The following MTHFD2L variants were observed in gnomAD, a reference collection of about 807,000 sequenced individuals.
MTHFD2L encodes bifunctional methylenetetrahydrofolate dehydrogenase/cyclohydrolase 2, mitochondrial.
A neutral mutation model predicts 34.9 loss-of-function variants in MTHFD2L; 29 were observed. The observed-to-expected ratio is 0.83, with a 90% CI of 0.62 to 1.13. The LOEUF (loss-of-function observed/expected upper bound fraction) is 1.13, where lower values mean the gene tolerates loss of function less well. Among genes scored for constraint, MTHFD2L ranks in the 50% most tolerant of loss-of-function variants. MTHFD2L has a pLI of 0.00. For synonymous variants in MTHFD2L, 167 were observed against 155.7 expected (o/e 1.07, Z -0.54); for missense variants, 481 against 446.5 (o/e 1.08, Z -0.70).
At chr4:74,179,110 G>A (rs1032004862) in intron 3 of MTHFD2L, among the ~76,000 whole-genome samples, 5 of 152,044 alleles carry the variant, frequency 3.3e-5, no homozygotes, top group Admixed American at 6.6e-5. Flanking sequence ...GAGACACAGG[G>A]AGGTTAAGTG....
intron 7 of MTHFD2L, among the ~76,000 whole-genome samples, chr4:74,282,651 A>G (rs1747648987): frequency 6.6e-6 from 1 of 152,064 alleles, no homozygotes; most frequent in African/African-American, 2.4e-5. Context: ...GAAAAAGAAA[A>G]CTGTAAGGAC....
intron 5 of MTHFD2L, among the ~76,000 whole-genome samples, chr4:74,206,506 A>G (rs2110070940): frequency 6.6e-6 from 1 of 152,298 alleles, no homozygotes; most frequent in East Asian, 1.9e-4. Context: ...GGGAGTATAT[A>G]CTGTGAGAAA....
intron 6 of MTHFD2L, among the ~76,000 whole-genome samples, chr4:74,232,195 C>T (rs1560513253): frequency 6.6e-6 from 1 of 152,106 alleles, no homozygotes; most frequent in Admixed American, 6.6e-5. Flanking sequence ...TAAGAAGTGA[C>T]TTACACATGA....
At chr4:74,114,930 A>T (rs1050526307) in intron 2 of MTHFD2L, among the ~76,000 whole-genome samples, 2 of 152,182 alleles carry the variant, frequency 1.3e-5, no homozygotes, top group African/African-American at 4.8e-5. Flanking sequence ...TAGATGAGGT[A>T]ACTGGGACTC....
At chr4:74,283,446 A>G (rs528227561) in intron 7 of MTHFD2L, among the ~76,000 whole-genome samples, 1 of 152,256 alleles carries the variant, frequency 6.6e-6, no homozygotes, top group Admixed American at 6.5e-5. Context: ...ATCTAAGTAT[A>G]TATAAAAATT....
intron 6 of MTHFD2L, chr4:74,267,950 G>A: frequency 1.0e-6 from 1 of 985,228 alleles, no homozygotes; most frequent in East Asian, 1.1e-4. Context: ...CACCATCCTG[G>A]TACCACAAGG....
chr4:74,123,631 C>T (rs961227061), upstream of MTHFD2L, among the ~76,000 whole-genome samples: 3 of 152,188 alleles, frequency 2.0e-5, no homozygotes, highest in East Asian at 5.8e-4. Context: ...ATCATAATAT[C>T]AATACTTAAA....
intron 5 of MTHFD2L, among the ~76,000 whole-genome samples, chr4:74,209,438 T>A (rs1197456238): frequency 6.6e-6 from 1 of 152,280 alleles, no homozygotes; most frequent in South Asian, 2.1e-4. Context: ...AATGGGAACA[T>A]GTGGTGTTTG....
At chr4:74,228,918 A>G (rs546263332) in intron 6 of MTHFD2L, among the ~76,000 whole-genome samples, 100 of 152,316 alleles carry the variant, frequency 6.6e-4, no homozygotes, top group Non-Finnish European at 1.2e-3. Flanking sequence ...GTGAGCAGCT[A>G]CTTCAGATGT....
At chr4:74,146,001 C>T (rs1055493174) in intron 1 of MTHFD2L, among the ~76,000 whole-genome samples, 1 of 152,008 alleles carries the variant, frequency 6.6e-6, no homozygotes, top group Non-Finnish European at 1.5e-5. Context: ...TCAGGTATCG[C>T]TTTATAAGAG....
chr4:74,210,875 T>C (rs1355536951), intron 5 of MTHFD2L, among the ~76,000 whole-genome samples: 1 of 152,196 alleles, frequency 6.6e-6, no homozygotes, highest in African/African-American at 2.4e-5. Flanking sequence ...AGCAGTGGTT[T>C]GTAGTTCTCC....
chr4:74,299,420 A>G (rs1440566547), intron 7 of MTHFD2L, among the ~76,000 whole-genome samples: 1 of 151,948 alleles, frequency 6.6e-6, no homozygotes, highest in African/African-American at 2.4e-5. Context: ...CAGTAGCAGT[A>G]GCAGTAGCAG....
intron 1 of MTHFD2L, among the ~76,000 whole-genome samples, chr4:74,164,719 A>G (rs1380245558): frequency 6.6e-6 from 1 of 152,224 alleles, no homozygotes; most frequent in Non-Finnish European, 1.5e-5. Flanking sequence ...TATTATTGCT[A>G]CTAATGGTAA....
chr4:74,296,968 A>C, intron 7 of MTHFD2L, among the ~76,000 whole-genome samples: 1 of 152,096 alleles, frequency 6.6e-6, no homozygotes, highest in South Asian at 2.1e-4. Context: ...CACGTTAGAC[A>C]AAGAGAATAG....
chr4:74,124,810 T>C (rs1721958168), upstream of MTHFD2L, among the ~76,000 whole-genome samples: 1 of 152,096 alleles, frequency 6.6e-6, no homozygotes, highest in Non-Finnish European at 1.5e-5. Context: ...ATTAAAGAAC[T>C]CAGAATTATT....
intron 3 of MTHFD2L, among the ~76,000 whole-genome samples, chr4:74,187,336 A>G (rs1470743201): frequency 6.6e-6 from 1 of 152,194 alleles, no homozygotes; most frequent in Non-Finnish European, 1.5e-5. Flanking sequence ...CAAAAGGTAC[A>G]TGCATTTGGA....
chr4:74,185,441 A>C (rs892736123), intron 3 of MTHFD2L, among the ~76,000 whole-genome samples: 2 of 152,034 alleles, frequency 1.3e-5, no homozygotes, highest in African/African-American at 4.8e-5. Context: ...GAGCAAATTA[A>C]ACACAACATA....
At chr4:74,297,929 A>T (rs1560571268) in intron 7 of MTHFD2L, among the ~76,000 whole-genome samples, 1 of 152,028 alleles carries the variant, frequency 6.6e-6, no homozygotes, top group Non-Finnish European at 1.5e-5. Flanking sequence ...ATAGCTCCCC[A>T]CCTTTCTTGA....
chr4:74,175,464 A>C, intron 3 of MTHFD2L, 61 bp downstream of exon 3: 1 of 1,511,456 alleles, frequency 6.6e-7, no homozygotes, highest in Non-Finnish European at 9.0e-7. Context: ...GGCATCTTTC[A>C]ACATCATATT....
Sources: gnomAD v4.1 joint callset for allele counts (sites outside exome capture counted in the v4.1 genomes callset) on GRCh38, gnomAD v4.1.1 for gene constraint, MANE v1.5 for transcripts, NCBI Gene and HGNC (gene_info 2026-07-23, HGNC 2026-07-21) for gene names.